Variants in USP31 observed in about 807,000 individuals in gnomAD.
USP31 encodes ubiquitin carboxyl-terminal hydrolase 31.
A neutral mutation model predicts 119.4 loss-of-function variants in USP31; 44 were observed. The observed-to-expected ratio is 0.37, with a 90% confidence interval of 0.29 to 0.47. USP31 has a LOEUF of 0.47. Ranked by LOEUF, USP31 falls within the 20% of genes least tolerant of loss-of-function variation. The pLI is 0.99. For synonymous variants in USP31, 749 were observed against 705.6 expected (o/e 1.06, Z -0.97); for missense variants, 1,643 against 1,730.2 (o/e 0.95, Z 0.89).
rs1555468289 is a variant in USP31, at chr16:23,117,760, T to TTTTTTTG, written c.634-9578_634-9577insCAAAAAA. ...TGATTTTTTTCCTTTTCTTTTTTTTTTTGTTGTTGTTGTTGTTCAGATGGA... is the reference window on the plus strand; with the variant it reads ...TGATTTTTTTCCTTTTCTTTTTTTTTTTTTTTGTTGTTGTTGTTGTTGTTCAGATGGA... On this transcript the variant is annotated intron_variant, in intron 1 of 15. Transcript: ENST00000219689. Among the ~76,000 whole-genome samples, 353 of 145,078 alleles carry TTTTTTTG rather than the reference T, an allele frequency of 2.4e-3. 1 individual carries two copies. The highest frequency in any genetic ancestry group is 4.0e-3 in the Non-Finnish European group (259 of 65,490).
intron 1 of USP31, among the ~76,000 whole-genome samples, chr16:23,141,325 A>C (rs1194504740): frequency 6.6e-6 from 1 of 151,846 alleles, no homozygotes; most frequent in Admixed American, 6.6e-5. Context: ...CTGCCTGGTC[A>C]CACCCATTAT....
chr16:23,126,320 TA>T (rs71279502), intron 1 of USP31, among the ~76,000 whole-genome samples: 2,705 of 107,196 alleles, frequency 0.025, 50 homozygotes, highest in South Asian at 0.11. Context: ...CCTGTCTCTT[TA>T]AAAAAAAAAA....
chr16:23,082,674 T>C, intron 11 of USP31, 117 bp from the exon 12 acceptor site: 2 of 1,377,590 alleles, frequency 1.5e-6, no homozygotes, highest in South Asian at 1.4e-5. Flanking sequence ...AAACCGCAGA[T>C]GCTGGGCATC....
At chr16:23,091,012 A>G (rs1389474889) in intron 6 of USP31, among the ~76,000 whole-genome samples, 2 of 152,212 alleles carry the variant, frequency 1.3e-5, no homozygotes, top group African/African-American at 2.4e-5. Flanking sequence ...CCTTTAAACT[A>G]GCCTTACCTA....
At chr16:23,121,460 T>C (rs950160503) in intron 1 of USP31, among the ~76,000 whole-genome samples, 3 of 152,252 alleles carry the variant, frequency 2.0e-5, no homozygotes, top group South Asian at 2.1e-4. Context: ...AGGCCTGGCC[T>C]GGCCCGGCCC....
intron 14 of USP31, chr16:23,072,524 C>T (rs1178489127): frequency 1.8e-6 from 1 of 570,372 alleles, no homozygotes; most frequent in African/African-American, 1.9e-5. Flanking sequence ...ATTCATTCTA[C>T]AAATATTTAT....
intron 13 of USP31, among the ~76,000 whole-genome samples, chr16:23,078,036 G>C (rs138510937): frequency 6.6e-6 from 1 of 152,046 alleles, no homozygotes; most frequent in South Asian, 2.1e-4. Context: ...TTTATAGGCC[G>C]GGCGCAGTGG....
chr16:23,090,388 A>AAAAC (rs368241892), intron 7 of USP31, among the ~76,000 whole-genome samples: 49 of 151,996 alleles, frequency 3.2e-4, no homozygotes, highest in South Asian at 1.0e-3. Context: ...TCCATATCAA[A>AAAAC]AAACAAACAA....
chr16:23,118,873 T>C (rs969526617), intron 1 of USP31, among the ~76,000 whole-genome samples: 1 of 151,876 alleles, frequency 6.6e-6, no homozygotes, highest in East Asian at 2.0e-4. Context: ...CTCTACAGGC[T>C]GAGGCAGGAG....
At chr16:23,096,738 T>C (rs558825906) in intron 6 of USP31, among the ~76,000 whole-genome samples, 10 of 152,314 alleles carry the variant, frequency 6.6e-5, no homozygotes, top group African/African-American at 2.2e-4. Flanking sequence ...TGCTCCTGAA[T>C]GACTACTGGG....
chr16:23,079,330 C>T (rs937323120), intron 13 of USP31: 2 of 152,124 alleles, frequency 1.3e-5, no homozygotes, highest in African/African-American at 4.8e-5. Flanking sequence ...TCATGATGAA[C>T]ATAGTTGCTT....
At chr16:23,123,923 T>C (rs541057637) in intron 1 of USP31, among the ~76,000 whole-genome samples, 2 of 151,716 alleles carry the variant, frequency 1.3e-5, no homozygotes, top group South Asian at 2.1e-4. Context: ...TACTTGAGCC[T>C]GGGAGATAAA....
chr16:23,089,408 C>A (rs1449133632), intron 7 of USP31, among the ~76,000 whole-genome samples: 1 of 152,182 alleles, frequency 6.6e-6, no homozygotes, highest in African/African-American at 2.4e-5. Flanking sequence ...GTCGGTCTGT[C>A]CTAGCTAGGA....
intron 1 of USP31, among the ~76,000 whole-genome samples, chr16:23,143,601 G>C (rs942649229): frequency 6.6e-6 from 1 of 151,338 alleles, no homozygotes; most frequent in Non-Finnish European, 1.5e-5. Flanking sequence ...GGGGGAGAGA[G>C]AGAGAAAGAG....
At chr16:23,147,822 A>G (rs915865065) in intron 1 of USP31, among the ~76,000 whole-genome samples, 11 of 152,194 alleles carry the variant, frequency 7.2e-5, no homozygotes, top group African/African-American at 1.9e-4. Flanking sequence ...CTGTAGTCCC[A>G]GCTATTAAAT....
intron 1 of USP31, among the ~76,000 whole-genome samples, chr16:23,127,498 T>C (rs1902897638): frequency 6.6e-6 from 1 of 152,142 alleles, no homozygotes; most frequent in Non-Finnish European, 1.5e-5. Context: ...AGTCTCACTC[T>C]GTCGTCCAGG....
chr16:23,086,693 G>A (rs935640919), intron 9 of USP31, among the ~76,000 whole-genome samples: 8 of 152,190 alleles, frequency 5.3e-5, no homozygotes, highest in Non-Finnish European at 7.3e-5. Context: ...AAAGTAAGCG[G>A]AATTCAAACT....
Position 23,102,360 on chromosome 16 carries a change from G to A in USP31, c.1193C>T (p.Thr398Ile). 6.2e-7 allele frequency: 1 copy of A among 1,614,032 alleles called. No homozygotes were observed. The highest frequency in any genetic ancestry group is 1.3e-5 in the African/African-American group (1 of 75,046). ...HESDCIFAFE[T>I]PEIFRPEGIL... ...TCCTTCAGGCCTAAATATTTCGGGA[G>A]TCTCAAAGGCAAAAATGCAGTCGCT... The change falls in exon 6 of 16, where the codon ACT becomes ATT. Residue 398 changes from threonine (T) to isoleucine (I), a missense_variant. Thr to Ile is a moderately conservative substitution (Grantham distance 89). Coordinates refer to ENST00000219689, the MANE Select transcript of USP31 (RefSeq NM_020718.4).
In USP31 at chr16:23,149,107, G is replaced by A. The variant is rs1002957382; in HGVS notation, c.164C>T (p.Pro55Leu). 1.3e-5 allele frequency: 16 copies of A among 1,261,136 alleles called. No individual in the cohort carries two copies. The highest frequency in any genetic ancestry group is 3.2e-5 in the African/African-American group (2 of 63,486). The allele number at this position is 1,261,136 out of a possible 1,614,324, so 78.1% of individuals were successfully genotyped here. Residue 55 changes from proline to leucine, a missense_variant, in exon 1 of 16, where the codon CCC becomes CTC. Coordinates refer to ENST00000219689, the MANE Select transcript of USP31 (RefSeq NM_020718.4). ...GCTGCCCACCGAGCGTGCAGAGGAG[G>A]GCGAGGAGGGCGAGGAAGGCGCGGC... The part of the protein sequence containing the change: ...GPAAPSSPSS[P>L]SSARSVGSFM...
Sources: gnomAD v4.1 joint callset for allele counts (sites outside exome capture counted in the v4.1 genomes callset) on GRCh38, gnomAD v4.1.1 for gene constraint, MANE v1.5 for transcripts, NCBI Gene and HGNC (gene_info 2026-07-23, HGNC 2026-07-21) for gene names.